Variants in GPR180 observed in about 807,000 individuals in gnomAD.
GPR180 encodes G protein-coupled receptor 180.
In GPR180, 53 loss-of-function variants were observed where a neutral mutation model predicts 52.6. The observed-to-expected ratio is 1.01, with a 90% CI of 0.81 to 1.27. The LOEUF (loss-of-function observed/expected upper bound fraction) is 1.27, where lower values mean the gene tolerates loss of function less well. Ranked by LOEUF, GPR180 falls within the 50% of genes most tolerant of loss-of-function variation. GPR180 has a pLI of 0.00. For missense variants in GPR180, 533 were observed against 527.0 expected, an observed-to-expected ratio of 1.01 and a Z score of -0.11; for synonymous variants, 200 against 193.1, an observed-to-expected ratio of 1.04 and a Z score of -0.30.
At chr13:94,623,451 CAA>C in intron 7 of GPR180, 151 bp downstream of exon 7, 4 of 591,156 alleles carry the variant, frequency 6.8e-6, no homozygotes, top group Non-Finnish European at 5.8e-6. Flanking sequence ...TTTGGAAGGC[CAA>C]GACAGACAGA....
rs563348743 is a variant in GPR180, at chr13:94,622,503, C to G, written c.895-606C>G. Among the ~76,000 whole-genome samples, 3 of 152,122 alleles carry G rather than the reference C, an allele frequency of 2.0e-5. No individual in the cohort carries two copies. In the East Asian group the frequency reaches 5.8e-4, roughly 29 times the overall value. On this transcript the variant is annotated intron_variant, in intron 6 of 8. Transcript: ENST00000376958. ...CAGTCAGAGACTATACAAATACATA[C>G]GTATTTTATACAGATCACATATTAG...
At chr13:94,626,114 A>AG in intron 8 of GPR180, 71 bp downstream of exon 8, 2 of 967,304 alleles carry the variant, frequency 2.1e-6, no homozygotes, top group Non-Finnish European at 3.2e-6. Context: ...ATATTTAAAT[A>AG]GGAGGGACCT....
intron 2 of GPR180, among the ~76,000 whole-genome samples, chr13:94,611,163 C>A (rs191857063): frequency 2.0e-5 from 3 of 152,138 alleles, no homozygotes; most frequent in East Asian, 1.9e-4. Context: ...ACACACCCCC[C>A]ACCCCTGACT....
intron 2 of GPR180, among the ~76,000 whole-genome samples, chr13:94,606,420 T>C (rs982039444): frequency 3.3e-5 from 5 of 152,256 alleles, no homozygotes; most frequent in African/African-American, 1.2e-4. Context: ...TTCATTCTCA[T>C]CAACATTGTC....
At chr13:94,604,907 A>G (rs1889609838) in intron 1 of GPR180, among the ~76,000 whole-genome samples, 1 of 152,172 alleles carries the variant, frequency 6.6e-6, no homozygotes, top group Non-Finnish European at 1.5e-5. Context: ...CGTAGATACC[A>G]AATTTTGTTT....
At chr13:94,626,739 G>A (rs899734409) in intron 8 of GPR180, among the ~76,000 whole-genome samples, 9 of 152,088 alleles carry the variant, frequency 5.9e-5, no homozygotes, top group African/African-American at 2.2e-4. Context: ...AAACTTGTCT[G>A]TAGTGCATAC....
At position 94,602,056 on chromosome 13, in the gene GPR180, C is replaced by A; in HGVS notation, c.129C>A (p.Gly43=). ...AGGACGCCCAGGGCCAGCGCATCGG[C>A]CACTTCGAGTTCCATGGTAGGTCTG... ...AAQDAQGQRI[G]HFEFHGDHAL... Residue 43 remains glycine (G), a synonymous_variant, in exon 1 of 9, where the codon GGC becomes GGA. Transcript: ENST00000376958. The A allele has an allele frequency of 1.4e-6, 2 of 1,406,926 alleles. No individual in the cohort carries two copies. The highest frequency in any genetic ancestry group is 1.6e-5 in the South Asian group (1 of 63,362). The allele number at this position is 1,406,926 out of a possible 1,614,324, so 87.2% of individuals were successfully genotyped here.
In GPR180 at chr13:94,627,013, G is replaced by A. The variant is rs1463250150; in HGVS notation, c.1165G>A (p.Val389Ile). Residue 389 changes from valine to isoleucine, a missense_variant and splice_region_variant, in exon 9 of 9, where the codon GTT becomes ATT. Physicochemically the swap from Val to Ile is conservative, Grantham distance 29. Transcript: ENST00000376958. ...VIFSDYQRDK[V>I]ITIGVILCQS... ...AGCATTCCTTTCCTTTTCTTTTCAGGTTATTACAATAGGTGTTATCCTTTG... is the reference window on the plus strand; with the variant it reads ...AGCATTCCTTTCCTTTTCTTTTCAGATTATTACAATAGGTGTTATCCTTTG... The A allele has an allele frequency of 1.3e-6, 2 of 1,580,628 alleles. No individual in the cohort carries two copies. The highest frequency in any genetic ancestry group is 2.3e-5 in the East Asian group (1 of 44,172).
chr13:94,612,068 T>G, intron 2 of GPR180, 122 bp from the exon 3 acceptor site: 1 of 703,948 alleles, frequency 1.4e-6, no homozygotes, highest in African/African-American at 1.8e-5. Flanking sequence ...CTACACAAGG[T>G]CTTGGATTTC....
chr13:94,608,721 T>A (rs182362041), intron 2 of GPR180, among the ~76,000 whole-genome samples: 1 of 152,178 alleles, frequency 6.6e-6, no homozygotes, highest in African/African-American at 2.4e-5. Context: ...AGTGCTTTTC[T>A]TAGCTATTAA....
At chr13:94,622,617 AAAGTG>A (rs1889865986) in intron 6 of GPR180, among the ~76,000 whole-genome samples, 1 of 152,220 alleles carries the variant, frequency 6.6e-6, no homozygotes, top group Non-Finnish European at 1.5e-5. Context: ...CTGTATTGCA[AAAGTG>A]AAGTTCAGAA....
intron 3 of GPR180, among the ~76,000 whole-genome samples, chr13:94,618,330 C>T (rs1197442997): frequency 6.6e-6 from 1 of 151,196 alleles, no homozygotes; most frequent in Non-Finnish European, 1.5e-5. Context: ...AGAATTGTTA[C>T]GTTGTTGGCC....
rs530193192 is a variant in GPR180, at chr13:94,605,512, T to C, written c.267T>C (p.Tyr89=). ...AGCTACAGCAAAGCAGTCATGGTTA[T>C]AGCTGTAGTGAAAAATTATCCAAAG... The part of the protein sequence containing the change: ...WLKLQQSSHG[Y]SCSEKLSKAQ... Residue 89 remains tyrosine (Y), a synonymous_variant, in exon 2 of 9, where the codon TAT becomes TAC. Transcript: ENST00000376958. The C allele has an allele frequency of 1.2e-6, 2 of 1,613,816 alleles. No homozygotes were observed. The highest frequency in any genetic ancestry group is 1.3e-5 in the African/African-American group (1 of 75,064).
chr13:94,607,098 C>T (rs924175197), intron 2 of GPR180, among the ~76,000 whole-genome samples: 2 of 152,218 alleles, frequency 1.3e-5, no homozygotes, highest in African/African-American at 2.4e-5. Context: ...CACCATCCAT[C>T]CAGTAAACAG....
intron 1 of GPR180, among the ~76,000 whole-genome samples, chr13:94,604,252 T>G (rs1046331976): frequency 6.6e-6 from 1 of 151,994 alleles, no homozygotes; most frequent in African/African-American, 2.4e-5. Flanking sequence ...GAGAATCGCT[T>G]GAACCGGGGA....
chr13:94,627,107 C>T lies in GPR180; in HGVS notation c.1259C>T (p.Ser420Leu). 6.2e-7 allele frequency: 1 copy of T among 1,613,102 alleles called. No homozygotes were observed. Among genetic ancestry groups the T allele is most frequent in the Non-Finnish European group, 8.5e-7 (1 of 1,179,466 alleles). ...CACAGTCTATACTGGGAAGTTTCTT[C>T]ACTTTCTTCAGTAACACTACCACTG... ...LSHSLYWEVS[S>L]LSSVTLPLTI... The change falls in exon 9 of 9, where the codon TCA (serine) becomes TTA (leucine). Residue 420 changes from serine to leucine, a missense_variant. Ser to Leu is a moderately radical substitution (Grantham distance 145). Coordinates refer to ENST00000376958, the MANE Select transcript of GPR180 (RefSeq NM_180989.6).
intron 3 of GPR180, among the ~76,000 whole-genome samples, chr13:94,618,460 A>G (rs534719132): frequency 6.6e-4 from 58 of 88,290 alleles, no homozygotes; most frequent in Admixed American, 3.0e-3. Flanking sequence ...AGCTGCAGAC[A>G]GTTTATCTCA....
chr13:94,630,304 C>T lies in GPR180; in HGVS notation c.*3133C>T, dbSNP rs963113606. On this transcript the variant is annotated 3_prime_UTR_variant, in exon 9 of 9. Transcript: ENST00000376958. ...GTTGTGCTGTAGGAGTGCCATGAAG[C>T]CTGGAGGTGAGGAAAGAAGTGATCC... 1 of 152,176 alleles carries T rather than the reference C, an allele frequency of 6.6e-6. No homozygotes were observed. The highest frequency in any genetic ancestry group is 1.5e-5 in the Non-Finnish European group (1 of 68,042). 9.4% of individuals were successfully genotyped at this position (152,176 alleles called of 1,614,324 possible). A position where few individuals can be genotyped will look rare whatever the true frequency, so the allele number is the denominator to read the frequency against.
At position 94,632,233 on chromosome 13, in the gene GPR180, C is replaced by T. The variant is rs935134612; in HGVS notation, c.*5062C>T. On this transcript the variant is annotated 3_prime_UTR_variant, in exon 9 of 9. Transcript: ENST00000376958. ...CTTCTAATGTTTTCTTCTTGTTAAACAGGTAATATATGCACATTGTACAAA... is the reference window on the plus strand; with the variant it reads ...CTTCTAATGTTTTCTTCTTGTTAAATAGGTAATATATGCACATTGTACAAA... 2.0e-5 allele frequency: 3 copies of T among 152,178 alleles called. No homozygotes were observed. The highest frequency in any genetic ancestry group is 7.2e-5 in the African/African-American group (3 of 41,446). The allele number at this position is 152,178 out of a possible 1,614,324, so 9.4% of individuals were successfully genotyped here. A position where few individuals can be genotyped will look rare whatever the true frequency, so the allele number is the denominator to read the frequency against.
Sources: allele counts gnomAD v4.1 joint callset (sites outside exome capture counted in the v4.1 genomes callset), GRCh38; gene constraint gnomAD v4.1.1; transcripts MANE v1.5; gene names NCBI Gene and HGNC (gene_info 2026-07-23, HGNC 2026-07-21).